Variants in TAFA5 observed in about 807,000 individuals in gnomAD.
The protein encoded by TAFA5 is TAFA chemokine like family member 5, also known as chemokine-like protein TAFA-5.
Under a neutral mutation model 15.3 loss-of-function variants are expected in TAFA5, and 6 were observed. The ratio of observed to expected loss-of-function variants is 0.39; its 90% confidence interval spans 0.21 to 0.77. The LOEUF (loss-of-function observed/expected upper bound fraction) is 0.77. Among genes scored for constraint, TAFA5 ranks in the 30% least tolerant of loss-of-function variants. The probability of loss-of-function intolerance (pLI) is 0.41; values close to 1 mark genes in which losing one functional copy is unlikely to be tolerated. For missense variants in TAFA5, 161 were observed against 193.1 expected (o/e 0.83, Z 0.98); for synonymous variants, 103 against 80.7 (o/e 1.28, Z -1.48).
intron 2 of TAFA5, among the ~76,000 whole-genome samples, chr22:48,654,822 G>A (rs546213574): frequency 1.3e-5 from 2 of 152,096 alleles, no homozygotes; most frequent in Non-Finnish European, 2.9e-5. Context: ...CAGGCAGAAG[G>A]CCCCTGATGG....
intron 1 of TAFA5, among the ~76,000 whole-genome samples, chr22:48,606,489 C>T (rs1038176433): frequency 5.9e-5 from 9 of 152,174 alleles, no homozygotes; most frequent in African/African-American, 1.9e-4. Flanking sequence ...ATGAAGACAT[C>T]CAGAAAGCTG....
chr22:48,704,337 G>A (rs939445902), intron 2 of TAFA5, among the ~76,000 whole-genome samples: 1 of 152,168 alleles, frequency 6.6e-6, no homozygotes, highest in African/African-American at 2.4e-5. Flanking sequence ...GTTCGTGTTT[G>A]TGGGTGTCTG....
intron 2 of TAFA5, among the ~76,000 whole-genome samples, chr22:48,665,164 A>G (rs4925431): frequency 0.31 from 47,514 of 152,072 alleles, 8,134 homozygotes; most frequent in Admixed American, 0.38. Context: ...TGCTGCGTCA[A>G]GATCCTGGGC....
chr22:48,548,797 C>T (rs9615342), intron 1 of TAFA5, among the ~76,000 whole-genome samples: 1 of 152,232 alleles, frequency 6.6e-6, no homozygotes, highest in Non-Finnish European at 1.5e-5. Context: ...GCCTAACAAC[C>T]GAAGTCTCTT....
chr22:48,582,206 C>A (rs892731846), intron 1 of TAFA5, among the ~76,000 whole-genome samples: 1 of 151,872 alleles, frequency 6.6e-6, no homozygotes, highest in South Asian at 2.1e-4. Flanking sequence ...ACACACTACA[C>A]GATGCACACA....
rs1398068739 is a variant in TAFA5 at position 48,550,468 on chromosome 22, A to G, written c.112+60764A>G. ...AGCTAAGAGGTCACATCTGGATGGA[A>G]CCAGATGTGAGGGCTTTGACCCCCA... is the stretch of plus-strand genomic sequence containing the variant. On this transcript the variant is annotated intron_variant, in intron 1 of 3. Coordinates refer to ENST00000402357, the MANE Select transcript of TAFA5 (RefSeq NM_001082967.3). The surrounding 1 kb of genome is among the most constrained non-coding windows in gnomAD (Gnocchi z 4.1). Among the ~76,000 whole-genome samples, 2 of 152,148 alleles carry G rather than the reference A, an allele frequency of 1.3e-5. No homozygotes were observed. Among genetic ancestry groups the G allele is most frequent in the African/African-American group, 4.8e-5 (2 of 41,458 alleles).
chr22:48,699,212 C>T lies in TAFA5; in HGVS notation c.263-8505C>T, dbSNP rs567678183. ...CCTCCCAAAGTGCTGGGATTACAGG[C>T]GTGAGCCACCGTGCCCTGCTGACAA... is the stretch of plus-strand genomic sequence containing the variant. On this transcript the variant is annotated intron_variant, in intron 2 of 3. Coordinates refer to ENST00000402357, the MANE Select transcript of TAFA5 (RefSeq NM_001082967.3). Among the ~76,000 whole-genome samples the T allele has an allele frequency of 1.1e-4, 16 of 152,260 alleles. No individual in the cohort carries two copies. In the South Asian group the frequency reaches 2.5e-3, roughly 24 times the overall value.
At chr22:48,576,107 G>A (rs1173253054) in intron 1 of TAFA5, among the ~76,000 whole-genome samples, 1 of 139,178 alleles carries the variant, frequency 7.2e-6, no homozygotes, top group African/African-American at 2.7e-5. Context: ...CCTGCTGGCG[G>A]TGCGGCTCCG....
intron 1 of TAFA5, among the ~76,000 whole-genome samples, chr22:48,513,391 C>T (rs1223728330): frequency 5.3e-5 from 8 of 152,208 alleles, no homozygotes; most frequent in Non-Finnish European, 1.2e-4. Flanking sequence ...GAGGGCTCAT[C>T]GCATGTGCAG....
intron 1 of TAFA5, among the ~76,000 whole-genome samples, chr22:48,516,373 C>T (rs1921406375): frequency 6.6e-6 from 1 of 152,096 alleles, no homozygotes; most frequent in South Asian, 2.1e-4. Flanking sequence ...TTCCCATTCC[C>T]CTGTCACCGA....
intron 1 of TAFA5, among the ~76,000 whole-genome samples, chr22:48,628,436 C>G (rs1601626278): frequency 6.6e-6 from 1 of 152,222 alleles, no homozygotes; most frequent in Non-Finnish European, 1.5e-5. Flanking sequence ...CCCAGAAGAT[C>G]TCTCCTGTTC....
intron 1 of TAFA5, among the ~76,000 whole-genome samples, chr22:48,527,234 C>T (rs889387406): frequency 2.6e-5 from 4 of 152,230 alleles, no homozygotes; most frequent in South Asian, 4.1e-4. Flanking sequence ...TGTGGCTGGC[C>T]GTCACTTCCT....
In TAFA5 at chr22:48,705,915, T is replaced by C. The variant is rs1255507836; in HGVS notation, c.263-1802T>C. ...CCTGGGGAACTACAGTTCTGGTTTA[T>C]GCACATTGAGAGTTGTGTTCTTTAT... is the stretch of plus-strand genomic sequence containing the variant. On this transcript the variant is annotated intron_variant, in intron 2 of 3. Transcript: ENST00000402357. 2.6e-5 allele frequency among the ~76,000 whole-genome samples: 4 copies of C among 152,246 alleles called. No individual in the cohort carries two copies. In the East Asian group the frequency reaches 5.8e-4, roughly 22 times the overall value.
rs1318405188 is a variant in TAFA5 at position 48,575,063 on chromosome 22, G to A, written c.113-71534G>A. On this transcript the variant is annotated intron_variant, in intron 1 of 3. Transcript: ENST00000402357. Reference sequence around the variant, plus strand: ...AGATGTGCCGTTTTCAGAAGCCGCGGGACCAGCCTCCTCCGAGCCCTCCCA... The same window carrying A: ...AGATGTGCCGTTTTCAGAAGCCGCGAGACCAGCCTCCTCCGAGCCCTCCCA... Among the ~76,000 whole-genome samples the A allele has an allele frequency of 2.0e-5, 3 of 152,150 alleles. No homozygotes were observed. The South Asian group carries it at 6.2e-4, about 31-fold the overall frequency.
intron 1 of TAFA5, among the ~76,000 whole-genome samples, chr22:48,635,791 C>T (rs1926423581): frequency 6.6e-6 from 1 of 152,148 alleles, no homozygotes; most frequent in South Asian, 2.1e-4. Flanking sequence ...GTGCAGGGAG[C>T]TGAACCACAG....
intron 2 of TAFA5, among the ~76,000 whole-genome samples, chr22:48,692,449 A>C (rs1928571760): frequency 6.6e-6 from 1 of 152,232 alleles, no homozygotes; most frequent in African/African-American, 2.4e-5. Flanking sequence ...ATTTTTTAAG[A>C]GACTGAGTCT....
intron 1 of TAFA5, among the ~76,000 whole-genome samples, chr22:48,621,549 C>A (rs1601621875): frequency 1.3e-5 from 2 of 152,062 alleles, no homozygotes; most frequent in African/African-American, 4.8e-5. Context: ...CAGAGGGCAT[C>A]GGCGGTTGTA....
At chr22:48,721,430 G>A (rs1206357537) in intron 3 of TAFA5, among the ~76,000 whole-genome samples, 1 of 152,202 alleles carries the variant, frequency 6.6e-6, no homozygotes, top group African/African-American at 2.4e-5. Flanking sequence ...CCTCACCAGA[G>A]CCGTTGGAAC....
intron 2 of TAFA5, among the ~76,000 whole-genome samples, chr22:48,705,316 T>C (rs1459472976): frequency 6.6e-6 from 1 of 152,142 alleles, no homozygotes; most frequent in Non-Finnish European, 1.5e-5. Flanking sequence ...GTGGCAGGCA[T>C]GACCAGCCCA....
Sources: allele counts gnomAD v4.1 joint callset (sites outside exome capture counted in the v4.1 genomes callset), GRCh38; gene constraint gnomAD v4.1.1; non-coding constraint Gnocchi (gnomAD v3.1); transcripts MANE v1.5; gene names NCBI Gene and HGNC (gene_info 2026-07-23, HGNC 2026-07-21).